The following LRRC37A2 variants were observed in gnomAD, a reference collection of about 807,000 sequenced individuals.
The protein encoded by LRRC37A2 is leucine-rich repeat-containing protein 37A2.
LRRC37A2 carries 9 observed loss-of-function variants against 68.8 expected under a neutral mutation model. The ratio of observed to expected loss-of-function variants is 0.13; its 90% CI spans 0.08 to 0.23. The LOEUF is 0.23. Among genes scored for constraint, LRRC37A2 ranks in the 10% least tolerant of loss-of-function variants. The pLI is 1.00. For missense variants in LRRC37A2, 168 were observed against 950.4 expected (o/e 0.18, Z 10.82); for synonymous variants, 63 against 367.6 (o/e 0.17, Z 9.48).
At chr17:46,383,207 A>G in the LRRC37A2 span, among the ~76,000 whole-genome samples, 1 of 152,106 alleles carries the variant, frequency 6.6e-6, no homozygotes, top group African/African-American at 2.4e-5. Context: ...TTTGTAGCCT[A>G]GGAGCAATAG....
At chr17:46,622,867 AT>A in the LRRC37A2 span, among the ~76,000 whole-genome samples, 3 of 146,942 alleles carry the variant, frequency 2.0e-5, no homozygotes, top group East Asian at 6.2e-4. Context: ...TTATCGTATA[AT>A]ACAAACACCC....
the LRRC37A2 span, among the ~76,000 whole-genome samples, chr17:46,810,536 C>A: frequency 1.3e-5 from 2 of 152,300 alleles, no homozygotes; most frequent in African/African-American, 4.8e-5. Context: ...GCCCTGCAAG[C>A]AGGCAGGGCA....
chr17:46,769,706 G>A, the LRRC37A2 span: 1 of 1,577,898 alleles, frequency 6.3e-7, no homozygotes, highest in Non-Finnish European at 8.6e-7. Context: ...GAAGGGGTGA[G>A]GTGGGGGCCA....
chr17:46,768,682 C>T, the LRRC37A2 span: 4 of 1,614,062 alleles, frequency 2.5e-6, no homozygotes, highest in Non-Finnish European at 3.4e-6. This position sits in a 1 kb window ranked among gnomAD's most constrained non-coding sequence, Gnocchi z 5.0. Flanking sequence ...TCATACTTGT[C>T]CTTGAGGAAG....
the LRRC37A2 span, among the ~76,000 whole-genome samples, chr17:46,949,950 C>T: frequency 2.0e-5 from 3 of 152,222 alleles, no homozygotes; most frequent in Non-Finnish European, 4.4e-5. Context: ...AGTCCCTGCC[C>T]TCCTCCAGTC....
At chr17:46,986,691 G>C in the LRRC37A2 span, among the ~76,000 whole-genome samples, 2 of 152,190 alleles carry the variant, frequency 1.3e-5, no homozygotes, top group African/African-American at 2.4e-5. Flanking sequence ...CTGAGACCGC[G>C]GAGAAGTGAG....
the LRRC37A2 span, among the ~76,000 whole-genome samples, chr17:46,832,007 C>A: frequency 6.6e-6 from 1 of 152,240 alleles, no homozygotes; most frequent in Admixed American, 6.5e-5. Context: ...GAGGCTTGTC[C>A]TCCTAGGTGA....
At chr17:46,882,369 C>T in the LRRC37A2 span, among the ~76,000 whole-genome samples, 1 of 152,208 alleles carries the variant, frequency 6.6e-6, no homozygotes, top group Non-Finnish European at 1.5e-5. Flanking sequence ...CTGATCGTTT[C>T]CTTGTACTTG....
chr17:46,961,569 C>G, the LRRC37A2 span, among the ~76,000 whole-genome samples: 1 of 151,962 alleles, frequency 6.6e-6, no homozygotes, highest in South Asian at 2.1e-4. Context: ...AGTGTAGCAA[C>G]AGCAAATCAG....
the LRRC37A2 span, chr17:46,884,955 C>A: frequency 2.5e-6 from 1 of 397,104 alleles, no homozygotes; most frequent in African/African-American, 2.1e-5. Context: ...CTCCTGCAAC[C>A]CATCAAATAG....
the LRRC37A2 span, among the ~76,000 whole-genome samples, chr17:46,994,157 G>C: frequency 6.6e-6 from 1 of 152,256 alleles, no homozygotes; most frequent in East Asian, 1.9e-4. Flanking sequence ...GGCCGAGGTA[G>C]GTGGATCACC....
At chr17:46,823,166 T>G in the LRRC37A2 span, among the ~76,000 whole-genome samples, 1 of 128,552 alleles carries the variant, frequency 7.8e-6, no homozygotes, top group African/African-American at 3.1e-5. Context: ...ATATTATATA[T>G]TATATATTTA....
chr17:46,822,802 C>G, the LRRC37A2 span, among the ~76,000 whole-genome samples: 1 of 151,958 alleles, frequency 6.6e-6, no homozygotes, highest in Non-Finnish European at 1.5e-5. Context: ...ACTGGGGCAC[C>G]GCCAGATCCA....
At chr17:46,791,884 A>G in the LRRC37A2 span, among the ~76,000 whole-genome samples, 3 of 152,188 alleles carry the variant, frequency 2.0e-5, no homozygotes, top group Non-Finnish European at 2.9e-5. Flanking sequence ...TACAAAACAC[A>G]GAAAAATTAG....
chr17:46,851,805 T>C, the LRRC37A2 span: 1 of 664,226 alleles, frequency 1.5e-6, no homozygotes, highest in Non-Finnish European at 2.1e-6. The surrounding 1 kb of genome is among the most constrained non-coding windows in gnomAD (Gnocchi z 4.3). Context: ...CCTCCCGCTG[T>C]CCTTGGCCCC....
chr17:46,977,022 AC>A, the LRRC37A2 span, among the ~76,000 whole-genome samples: 2 of 152,130 alleles, frequency 1.3e-5, no homozygotes, highest in African/African-American at 4.8e-5. Flanking sequence ...GATTGGGACG[AC>A]CAGGGTTGGG....
chr17:46,695,272 G>T, the LRRC37A2 span, among the ~76,000 whole-genome samples: 3 of 144,354 alleles, frequency 2.1e-5, no homozygotes, highest in Non-Finnish European at 4.5e-5. Context: ...GTTGTAATAT[G>T]TCAGAGGAAG....
chr17:46,765,886 G>A, the LRRC37A2 span, among the ~76,000 whole-genome samples: 1 of 152,244 alleles, frequency 6.6e-6, no homozygotes, highest in Admixed American at 6.5e-5. Context: ...GCTCAGCGAG[G>A]CAGAAGAGCT....
At chr17:46,551,077 G>A (rs2056755530) in intron 11 of LRRC37A2, among the ~76,000 whole-genome samples, 1 of 150,078 alleles carries the variant, frequency 6.7e-6, no homozygotes, top group Non-Finnish European at 1.5e-5. Context: ...TAAGTTCACT[G>A]GTGAGGGGGA....
Sources: gnomAD v4.1 joint callset for allele counts (sites outside exome capture counted in the v4.1 genomes callset) on GRCh38, gnomAD v4.1.1 for gene constraint, Gnocchi (gnomAD v3.1) non-coding constraint, MANE v1.5 for transcripts, NCBI Gene and HGNC (gene_info 2026-07-23, HGNC 2026-07-21) for gene names.